CDK19: variants seen among roughly 807,000 people sequenced by gnomAD.
The protein encoded by CDK19 is cyclin-dependent kinase 19.
Under a neutral mutation model 68.3 loss-of-function variants are expected in CDK19, and 20 were observed. That is an observed-to-expected ratio of 0.29 (90% CI 0.21 to 0.43). The LOEUF is 0.43. CDK19 is among the 20% of genes least tolerant of loss of function. CDK19 has a pLI of 1.00. For synonymous variants in CDK19, 221 were observed against 222.8 expected (o/e 0.99, Z 0.07); for missense variants, 339 against 623.5 (o/e 0.54, Z 4.86).
chr6:110,716,494 T>C (rs1373769134), intron 2 of CDK19, among the ~76,000 whole-genome samples: 1 of 152,192 alleles, frequency 6.6e-6, no homozygotes, highest in Non-Finnish European at 1.5e-5. Flanking sequence ...ATGCTGGTGC[T>C]GAGGACTCGG....
intron 1 of CDK19, among the ~76,000 whole-genome samples, chr6:110,798,822 C>A (rs192440268): frequency 1.3e-5 from 2 of 151,768 alleles, no homozygotes; most frequent in Admixed American, 1.3e-4. Flanking sequence ...AGAAAATCTA[C>A]ACATCCTATA....
At chr6:110,641,208 C>T (rs1203157676) in intron 4 of CDK19, among the ~76,000 whole-genome samples, 1 of 151,866 alleles carries the variant, frequency 6.6e-6, no homozygotes. Flanking sequence ...AAGTGTTGTA[C>T]TTCAGGCCTT....
At chr6:110,664,369 T>C (rs1380918031) in intron 4 of CDK19, among the ~76,000 whole-genome samples, 1 of 152,208 alleles carries the variant, frequency 6.6e-6, no homozygotes, top group Non-Finnish European at 1.5e-5. Context: ...AGATTCAGTC[T>C]GTACTTCTCA....
At position 110,621,471 on chromosome 6, in the gene CDK19, G is replaced by A; in HGVS notation, c.1111-101C>T. 8.5e-7 allele frequency: 1 copy of A among 1,175,300 alleles called. No individual in the cohort carries two copies. Among genetic ancestry groups the A allele is most frequent in the South Asian group, 1.5e-5 (1 of 66,682 alleles). The allele number at this position is 1,175,300 out of a possible 1,614,324, so 72.8% of individuals were successfully genotyped here. ...TGTGGCTGCTGACCAACCTGGGGGA[G>A]CAATCTATGTGGGACACTAGAGTGA... On this transcript the variant is annotated intron_variant, in intron 11 of 12. Coordinates refer to ENST00000368911, the MANE Select transcript of CDK19 (RefSeq NM_015076.5). The surrounding 1 kb of genome is among the most constrained non-coding windows in gnomAD (Gnocchi z 5.4).
intron 1 of CDK19, among the ~76,000 whole-genome samples, chr6:110,768,915 G>C (rs112130215): frequency 0.019 from 2,940 of 152,116 alleles, 99 homozygotes; most frequent in African/African-American, 0.068. Context: ...CACTTTGGGG[G>C]TCCAAGGCAG....
At chr6:110,677,408 A>T (rs1771619716) in intron 2 of CDK19, among the ~76,000 whole-genome samples, 1 of 151,050 alleles carries the variant, frequency 6.6e-6, no homozygotes, top group Non-Finnish European at 1.5e-5. Flanking sequence ...TTAAAAATAC[A>T]AAAAAAAATT....
At chr6:110,740,826 T>C (rs1191461701) in intron 2 of CDK19, among the ~76,000 whole-genome samples, 1 of 152,198 alleles carries the variant, frequency 6.6e-6, no homozygotes, top group East Asian at 1.9e-4. Flanking sequence ...CTACTCTTTA[T>C]GGTGTTGCCT....
chr6:110,708,686 A>G (rs1278794985), intron 2 of CDK19, among the ~76,000 whole-genome samples: 2 of 152,198 alleles, frequency 1.3e-5, no homozygotes, highest in Admixed American at 6.5e-5. Flanking sequence ...TGACACTGTG[A>G]GTGAAAACTT....
intron 2 of CDK19, among the ~76,000 whole-genome samples, chr6:110,732,885 G>A (rs557320209): frequency 1.6e-4 from 24 of 152,132 alleles, no homozygotes; most frequent in African/African-American, 3.9e-4. Flanking sequence ...TGGCCAACAC[G>A]GTGAAACCCC....
At chr6:110,812,812 T>TA (rs66478846) in intron 1 of CDK19, among the ~76,000 whole-genome samples, 5,660 of 101,584 alleles carry the variant, frequency 0.056, 149 homozygotes, top group African/African-American at 0.1. Context: ...TTTAAAACAG[T>TA]AAAAAAAAAA....
chr6:110,711,455 C>T (rs893054250), intron 2 of CDK19, among the ~76,000 whole-genome samples: 3 of 152,066 alleles, frequency 2.0e-5, no homozygotes, highest in African/African-American at 7.2e-5. Context: ...TGTACTCTTA[C>T]ATACAACAGT....
intron 1 of CDK19, among the ~76,000 whole-genome samples, chr6:110,760,050 A>T (rs1376371274): frequency 6.6e-6 from 1 of 152,216 alleles, no homozygotes; most frequent in Non-Finnish European, 1.5e-5. Flanking sequence ...AATAAGATTT[A>T]TAATAATAGC....
rs573636664 is a variant in CDK19, at chr6:110,814,861, C to T, written c.128+148G>A. ...GGGGAGGCGGGCGGAACGGGCGCCC[C>T]TCGGAGTCGGTGTCCGGACGCAACC... On this transcript the variant is annotated intron_variant, in intron 1 of 12. Coordinates refer to ENST00000368911, the MANE Select transcript of CDK19 (RefSeq NM_015076.5). 415 of 1,054,598 alleles carry T rather than the reference C, an allele frequency of 3.9e-4. 5 individuals are homozygous for T. In the African/African-American group the frequency reaches 6.0e-3, roughly 15 times the overall value. The allele number at this position is 1,054,598 out of a possible 1,614,324, so 65.3% of individuals were successfully genotyped here.
chr6:110,723,909 G>T (rs1042336058), intron 2 of CDK19, among the ~76,000 whole-genome samples: 1 of 151,522 alleles, frequency 6.6e-6, no homozygotes, highest in Non-Finnish European at 1.5e-5. Context: ...AGAAAAAAAT[G>T]ATTAACAAAA....
chr6:110,729,407 GTTTAT>G lies in CDK19; in HGVS notation c.204+16714_204+16718del, dbSNP rs569092014. The stretch of plus-strand genomic sequence containing the variant: ...AAGAACAGTGGAAAAATTAAACGGA[GTTTAT>G]TTTATGTTATTTTGTTGTTTGTTTA... On this transcript the variant is annotated intron_variant, in intron 2 of 12. Transcript: ENST00000368911. Among the ~76,000 whole-genome samples, 47 of 151,524 alleles carry G rather than the reference GTTTAT, an allele frequency of 3.1e-4. No individual in the cohort carries two copies. In the Middle Eastern group the frequency reaches 0.017, roughly 55 times the overall value.
intron 1 of CDK19, among the ~76,000 whole-genome samples, chr6:110,793,218 T>C (rs187389895): frequency 1.3e-5 from 2 of 152,234 alleles, no homozygotes; most frequent in African/African-American, 4.8e-5. Context: ...AAAATACTGT[T>C]TATTCAAATG....
At chr6:110,727,491 T>C (rs1279668893) in intron 2 of CDK19, among the ~76,000 whole-genome samples, 2 of 152,150 alleles carry the variant, frequency 1.3e-5, no homozygotes, top group Non-Finnish European at 2.9e-5. Flanking sequence ...GACCAGCATA[T>C]AAGGTTCATG....
chr6:110,734,033 G>T (rs1320391586), intron 2 of CDK19, among the ~76,000 whole-genome samples: 1 of 151,588 alleles, frequency 6.6e-6, no homozygotes, highest in Admixed American at 6.6e-5. Context: ...GTTTTTGTTT[G>T]TTTTTTTGAG....
At chr6:110,641,957 T>C (rs1780216762) in intron 4 of CDK19, among the ~76,000 whole-genome samples, 1 of 152,110 alleles carries the variant, frequency 6.6e-6, no homozygotes, top group Non-Finnish European at 1.5e-5. Flanking sequence ...GCAGTGAATG[T>C]TTGGTGTAGA....
Sources: gnomAD v4.1 joint callset for allele counts (sites outside exome capture counted in the v4.1 genomes callset) on GRCh38, gnomAD v4.1.1 for gene constraint, Gnocchi (gnomAD v3.1) non-coding constraint, MANE v1.5 for transcripts, NCBI Gene and HGNC (gene_info 2026-07-23, HGNC 2026-07-21) for gene names.